TUSC3: variants seen among roughly 807,000 people sequenced by gnomAD.
TUSC3 encodes the protein dolichyl-diphosphooligosaccharide--protein glycosyltransferase subunit TUSC3.
Under a neutral mutation model 44.8 loss-of-function variants are expected in TUSC3, and 45 were observed. The ratio of observed to expected loss-of-function variants is 1.00; its 90% CI spans 0.79 to 1.29. TUSC3 has a LOEUF of 1.29. Ranked by LOEUF, TUSC3 falls within the 50% of genes most tolerant of loss-of-function variation. The pLI is 0.00. For synonymous variants in TUSC3, 212 were observed against 152.9 expected (o/e 1.39, Z -2.85); for missense variants, 519 against 437.9 (o/e 1.19, Z -1.65).
intron 2 of TUSC3, among the ~76,000 whole-genome samples, chr8:15,499,762 C>T (rs1366159611): frequency 6.6e-6 from 1 of 152,068 alleles, no homozygotes; most frequent in African/African-American, 2.4e-5. Flanking sequence ...GCTGAGACAT[C>T]AGTCTTCTCC....
chr8:15,742,326 C>A (rs950971511), intron 7 of TUSC3, among the ~76,000 whole-genome samples: 2 of 147,612 alleles, frequency 1.4e-5, no homozygotes, highest in Non-Finnish European at 3.0e-5. Context: ...AAAACAAATA[C>A]AATAGTTTGA....
chr8:15,727,195 C>G (rs753239914), intron 6 of TUSC3, among the ~76,000 whole-genome samples: 5 of 152,020 alleles, frequency 3.3e-5, no homozygotes, highest in Non-Finnish European at 4.4e-5. Context: ...AATCGCAGAC[C>G]TAAGGTTAAT....
At chr8:15,426,939 C>G (rs73189460) in intron 1 of TUSC3, among the ~76,000 whole-genome samples, 20,833 of 152,098 alleles carry the variant, frequency 0.14, 1,530 homozygotes, top group Middle Eastern at 0.21. Context: ...ATAATTGTAG[C>G]TTTCATTTGC....
intron 2 of TUSC3, among the ~76,000 whole-genome samples, chr8:15,641,248 C>A (rs530792053): frequency 6.6e-6 from 1 of 151,700 alleles, no homozygotes; most frequent in African/African-American, 2.4e-5. Flanking sequence ...GTAGTCCCAC[C>A]TACTCGGGAG....
At chr8:15,671,984 A>C (rs1468391512) in intron 5 of TUSC3, among the ~76,000 whole-genome samples, 1 of 152,036 alleles carries the variant, frequency 6.6e-6, no homozygotes, top group African/African-American at 2.4e-5. Context: ...GTAATTGTCA[A>C]ATGAGTAAAA....
intron 1 of TUSC3, among the ~76,000 whole-genome samples, chr8:15,598,203 A>T (rs1026831927): frequency 2.0e-5 from 3 of 151,938 alleles, no homozygotes; most frequent in Non-Finnish European, 4.4e-5. Flanking sequence ...CTTGCACTCC[A>T]TCCAAATGTT....
At chr8:15,692,701 C>A (rs1230301921) in intron 6 of TUSC3, among the ~76,000 whole-genome samples, 2 of 151,146 alleles carry the variant, frequency 1.3e-5, no homozygotes, top group African/African-American at 2.4e-5. Flanking sequence ...GTCGTAGCAC[C>A]CCCTTTGTCA....
intron 4 of TUSC3, among the ~76,000 whole-genome samples, chr8:15,660,411 A>G (rs539568638): frequency 1.8e-4 from 27 of 152,032 alleles, no homozygotes; most frequent in Non-Finnish European, 2.9e-4. Flanking sequence ...ATGAGTATAG[A>G]TTGACATAGA....
chr8:15,428,383 G>C (rs1208153209), intron 1 of TUSC3, among the ~76,000 whole-genome samples: 1 of 151,640 alleles, frequency 6.6e-6, no homozygotes, highest in Non-Finnish European at 1.5e-5. Flanking sequence ...TGGACATTTG[G>C]GTTGGTTCCA....
chr8:15,593,597 G>A (rs1407983650), intron 1 of TUSC3, among the ~76,000 whole-genome samples: 1 of 151,946 alleles, frequency 6.6e-6, no homozygotes, highest in African/African-American at 2.4e-5. Flanking sequence ...GCCATGTATT[G>A]TCACAAAGAT....
rs1563247230 is a variant in TUSC3 at position 15,423,984 on chromosome 8, T to TG, written n.91+6679_91+6680insG. ...GTTTTGCTTTGTTTTTTTTTTTTTT[T>TG]TTTTTTTTTTTTTTTTTTTTTTTGA... On this transcript the variant is annotated intron_variant and non_coding_transcript_variant, in intron 1 of 5. Transcript: ENST00000503191. 2.4e-5 allele frequency among the ~76,000 whole-genome samples: 3 copies of TG among 126,078 alleles called. 1 individual carries two copies. The East Asian group carries it at 8.0e-4, about 34-fold the overall frequency. The allele number at this position is 126,078 out of a possible 152,430, so 82.7% of individuals were successfully genotyped here. A position where few individuals can be genotyped will look rare whatever the true frequency, so the allele number is the denominator to read the frequency against.
intron 2 of TUSC3, among the ~76,000 whole-genome samples, chr8:15,505,142 C>T (rs896148886): frequency 3.3e-5 from 5 of 152,180 alleles, no homozygotes; most frequent in Non-Finnish European, 7.3e-5. Context: ...AATCATCTGT[C>T]ATCCATATGA....
chr8:15,845,274 G>A, the TUSC3 span, among the ~76,000 whole-genome samples: 3 of 152,124 alleles, frequency 2.0e-5, no homozygotes, highest in South Asian at 4.1e-4. Context: ...GTGACCCTGC[G>A]CAAGGCACGT....
At chr8:15,650,881 A>T (rs1806871653) in intron 3 of TUSC3, 67 bp downstream of exon 3, 2 of 1,495,564 alleles carry the variant, frequency 1.3e-6, no homozygotes, top group South Asian at 1.1e-5. Context: ...TTTGTTTGTC[A>T]CATAAAAATA....
intron 1 of TUSC3, among the ~76,000 whole-genome samples, chr8:15,549,298 T>C (rs138109907): frequency 0.018 from 2,790 of 151,736 alleles, 93 homozygotes; most frequent in African/African-American, 0.062. Flanking sequence ...CTCAGCCACC[T>C]GAGGAGCTGG....
chr8:15,750,048 C>T (rs1035350593), intron 9 of TUSC3, among the ~76,000 whole-genome samples: 5 of 148,906 alleles, frequency 3.4e-5, no homozygotes, highest in South Asian at 2.1e-4. Flanking sequence ...GGCTTGATCT[C>T]GGCTCACTGC....
intron 5 of TUSC3, among the ~76,000 whole-genome samples, chr8:15,670,774 A>C (rs1410715344): frequency 3.3e-5 from 5 of 151,908 alleles, no homozygotes; most frequent in African/African-American, 1.2e-4. Context: ...TTTGGTGAGG[A>C]CTATTTGCCA....
intron 1 of TUSC3, among the ~76,000 whole-genome samples, chr8:15,594,635 G>A (rs887003961): frequency 5.9e-5 from 9 of 152,026 alleles, no homozygotes; most frequent in African/African-American, 2.2e-4. Flanking sequence ...TATTGCCAGA[G>A]CATCTGAATA....
the TUSC3 span, among the ~76,000 whole-genome samples, chr8:15,816,433 G>T: frequency 6.6e-6 from 1 of 152,076 alleles, no homozygotes; most frequent in Non-Finnish European, 1.5e-5. Context: ...AATTCTGATA[G>T]TAAAACTCTT....
Sources: allele counts gnomAD v4.1 joint callset (sites outside exome capture counted in the v4.1 genomes callset), GRCh38; gene constraint gnomAD v4.1.1; transcripts MANE v1.5; gene names NCBI Gene and HGNC (gene_info 2026-07-23, HGNC 2026-07-21).